The following RFLNA variants were observed in gnomAD, a reference collection of about 807,000 sequenced individuals.
The protein encoded by RFLNA is refilin-A.
Under a neutral mutation model 7.8 loss-of-function variants are expected in RFLNA, and 5 were observed. The observed-to-expected ratio is 0.64, with a 90% CI of 0.34 to 1.35. The LOEUF (loss-of-function observed/expected upper bound fraction) is 1.35, where lower values mean the gene tolerates loss of function less well. Ranked by LOEUF, RFLNA falls within the 40% of genes most tolerant of loss-of-function variation. RFLNA has a pLI of 0.04. For missense variants in RFLNA, 278 were observed against 305.5 expected (o/e 0.91, Z 0.67); for synonymous variants, 141 against 131.3 (o/e 1.07, Z -0.50).
chr12:124,301,608 G>A (rs999248452), intron 1 of RFLNA, among the ~76,000 whole-genome samples: 4 of 152,142 alleles, frequency 2.6e-5, no homozygotes, highest in African/African-American at 4.8e-5. Flanking sequence ...CAGCAAATCC[G>A]GCCTTTATAA....
chr12:124,313,602 C>T (rs1253095510), intron 2 of RFLNA, among the ~76,000 whole-genome samples: 1 of 151,934 alleles, frequency 6.6e-6, no homozygotes, highest in African/African-American at 2.4e-5. Flanking sequence ...TGGCGTGAAC[C>T]TGGGAGGCGG....
At position 124,306,054 on chromosome 12, in the gene RFLNA, A is replaced by C. The variant is rs1261523761; in HGVS notation, c.208-5764A>C. 6.6e-6 allele frequency among the ~76,000 whole-genome samples: 1 copy of C among 152,130 alleles called. No individual in the cohort carries two copies. Among genetic ancestry groups the C allele is most frequent in the East Asian group, 1.9e-4 (1 of 5,184 alleles). On this transcript the variant is annotated intron_variant, in intron 1 of 2. Transcript: ENST00000546355. This position sits in a 1 kb window ranked among gnomAD's most constrained non-coding sequence, Gnocchi z 5.2. ...GGGGCTCCTGGTGATGTTTGTCCAC[A>C]GACTGCTGCCAAACTTGAGGACAGG...
At position 124,314,919 on chromosome 12, in the gene RFLNA, G is replaced by A. The variant is rs2034324231; in HGVS notation, c.*394G>A. 5.3e-6 allele frequency: 2 copies of A among 378,286 alleles called. No individual in the cohort carries two copies. Among genetic ancestry groups the A allele is most frequent in the African/African-American group, 2.1e-5 (1 of 48,058 alleles). 23.4% of individuals were successfully genotyped at this position (378,286 alleles called of 1,614,324 possible). On this transcript the variant is annotated 3_prime_UTR_variant, in exon 3 of 3. Transcript: ENST00000546355. ...CCAGCCTCAGCCGGTGGGGACGGCTGCCACTCCCCCAGAGCCCTGCCACCC... is the reference window on the plus strand; with the variant it reads ...CCAGCCTCAGCCGGTGGGGACGGCTACCACTCCCCCAGAGCCCTGCCACCC...
chr12:124,312,172 C>G (rs1428227998), intron 2 of RFLNA, among the ~76,000 whole-genome samples: 1 of 152,140 alleles, frequency 6.6e-6, no homozygotes, highest in Admixed American at 6.5e-5. Context: ...CGCCCCCACC[C>G]CAGGTCTATT....
Position 124,314,845 on chromosome 12 carries a change from T to C in RFLNA, c.*320T>C. 1 of 507,776 alleles carries C rather than the reference T, an allele frequency of 2.0e-6. No individual in the cohort carries two copies. The highest frequency in any genetic ancestry group is 1.7e-5 in the South Asian group (1 of 59,696). The allele number at this position is 507,776 out of a possible 1,614,324, so 31.5% of individuals were successfully genotyped here. On this transcript the variant is annotated 3_prime_UTR_variant, in exon 3 of 3. Transcript: ENST00000546355. ...AGGGGAAAAGAATGGGTCCATGGAG[T>C]GCCCTTGAAGCAGAGAACAGCCCCG...
upstream of RFLNA, among the ~76,000 whole-genome samples, chr12:124,290,889 G>A (rs373384720): frequency 5.9e-5 from 9 of 152,178 alleles, no homozygotes; most frequent in African/African-American, 2.2e-4. This position sits in a 1 kb window ranked among gnomAD's most constrained non-coding sequence, Gnocchi z 4.0. Context: ...TCACACAGCC[G>A]GGACATGGTA....
chr12:124,297,904 C>T (rs1322765703), intron 1 of RFLNA, among the ~76,000 whole-genome samples: 1 of 152,146 alleles, frequency 6.6e-6, no homozygotes, highest in Non-Finnish European at 1.5e-5. Flanking sequence ...TTTAACCGCA[C>T]CCTGCTCACT....
intron 1 of RFLNA, among the ~76,000 whole-genome samples, chr12:124,308,968 A>C (rs1489890935): frequency 2.0e-5 from 3 of 152,224 alleles, no homozygotes; most frequent in African/African-American, 7.2e-5. Context: ...GCGACTGAGG[A>C]ATGGCGTTTT....
chr12:124,311,068 C>G (rs961026998), intron 1 of RFLNA, among the ~76,000 whole-genome samples: 15 of 152,358 alleles, frequency 9.8e-5, no homozygotes, highest in Non-Finnish European at 1.5e-4. Flanking sequence ...TCCATTTCCA[C>G]TGGTTTCCAA....
intron 1 of RFLNA, among the ~76,000 whole-genome samples, chr12:124,310,674 C>T (rs1013916965): frequency 6.6e-6 from 1 of 152,062 alleles, no homozygotes; most frequent in African/African-American, 2.4e-5. Flanking sequence ...CAGGGGCATG[C>T]CCCTGATGGT....
chr12:124,297,235 C>A (rs927845492), intron 1 of RFLNA, among the ~76,000 whole-genome samples: 32 of 152,300 alleles, frequency 2.1e-4, no homozygotes, highest in African/African-American at 7.7e-4. Context: ...TCCGGGCCAG[C>A]CCGTGGCTGC....
At chr12:124,292,990 C>G (rs937258457), upstream of RFLNA, among the ~76,000 whole-genome samples, 5 of 152,200 alleles carry the variant, frequency 3.3e-5, no homozygotes, top group African/African-American at 1.2e-4. Flanking sequence ...GTGGCATGAC[C>G]TCAGCTCACT....
chr12:124,315,891 GGA>G lies in RFLNA; in HGVS notation c.*1368_*1369del, dbSNP rs1009190400. ...GGAGGGGAGATTCCGTTCACATCCAGGAGGGGCAAAATGACTGATGTATTTTT... is the reference window on the plus strand; with the variant it reads ...GGAGGGGAGATTCCGTTCACATCCAGGGGGCAAAATGACTGATGTATTTTT... On this transcript the variant is annotated 3_prime_UTR_variant, in exon 3 of 3. Coordinates refer to ENST00000546355, the MANE Select transcript of RFLNA (RefSeq NM_001365156.1). 3.9e-5 allele frequency: 6 copies of G among 152,222 alleles called. No individual in the cohort carries two copies. Among genetic ancestry groups the G allele is most frequent in the African/African-American group, 1.4e-4 (6 of 41,450 alleles). 9.4% of individuals were successfully genotyped at this position (152,222 alleles called of 1,614,324 possible).
intron 1 of RFLNA, among the ~76,000 whole-genome samples, chr12:124,311,555 C>T (rs1468329489): frequency 1.1e-4 from 16 of 152,212 alleles, no homozygotes; most frequent in Non-Finnish European, 5.9e-5. Context: ...GCCATGACCA[C>T]ACCCCTTGTT....
chr12:124,290,515 T>C (rs973573777), upstream of RFLNA, among the ~76,000 whole-genome samples: 2 of 152,184 alleles, frequency 1.3e-5, no homozygotes, highest in South Asian at 4.1e-4. The surrounding 1 kb of genome is among the most constrained non-coding windows in gnomAD (Gnocchi z 4.0). Flanking sequence ...CATCTGTGTG[T>C]ATGTGTGTAT....
rs1049492445 is a variant in RFLNA at position 124,306,050 on chromosome 12, C to T, written c.208-5768C>T. On this transcript the variant is annotated intron_variant, in intron 1 of 2. Transcript: ENST00000546355. This position sits in a 1 kb window ranked among gnomAD's most constrained non-coding sequence, Gnocchi z 5.2. The stretch of plus-strand genomic sequence containing the variant: ...GGATGGGGCTCCTGGTGATGTTTGT[C>T]CACAGACTGCTGCCAAACTTGAGGA... Among the ~76,000 whole-genome samples the T allele has an allele frequency of 6.6e-6, 1 of 152,100 alleles. No homozygotes were observed. Among genetic ancestry groups the T allele is most frequent in the South Asian group, 2.1e-4 (1 of 4,822 alleles).
At chr12:124,290,351 T>C (rs951113940), upstream of RFLNA, among the ~76,000 whole-genome samples, 1 of 150,064 alleles carries the variant, frequency 6.7e-6, no homozygotes, top group Non-Finnish European at 1.5e-5. The surrounding 1 kb of genome is among the most constrained non-coding windows in gnomAD (Gnocchi z 4.0). Context: ...TGTGTGCATA[T>C]GTGTATGTGT....
At chr12:124,296,926 C>T (rs148681173) in intron 1 of RFLNA, among the ~76,000 whole-genome samples, 1,622 of 152,324 alleles carry the variant, frequency 0.011, 11 homozygotes, top group Middle Eastern at 0.031. Flanking sequence ...GAACTTTGGT[C>T]TCTTTATGGG....
intron 1 of RFLNA, among the ~76,000 whole-genome samples, chr12:124,300,916 GTGGATGGATGGA>G (rs57838924): frequency 1.4e-5 from 2 of 145,014 alleles, no homozygotes; most frequent in African/African-American, 2.6e-5. Flanking sequence ...GGGCAGAAGG[GTGGATGGATGGA>G]TGGATGGATG....
Sources: allele counts gnomAD v4.1 joint callset (sites outside exome capture counted in the v4.1 genomes callset), GRCh38; gene constraint gnomAD v4.1.1; non-coding constraint Gnocchi (gnomAD v3.1); transcripts MANE v1.5; gene names NCBI Gene and HGNC (gene_info 2026-07-23, HGNC 2026-07-21).